Variants in ANO5 observed in about 807,000 individuals in gnomAD.
ANO5 encodes the protein anoctamin 5.
In ANO5, 109 loss-of-function variants were observed where a neutral mutation model predicts 121.0. The observed-to-expected ratio is 0.90, with a 90% CI of 0.77 to 1.06. ANO5 has a LOEUF of 1.06. Among genes scored for constraint, ANO5 ranks in the 50% least tolerant of loss-of-function variants. ANO5 has a pLI of 0.00. For synonymous variants in ANO5, 406 were observed against 359.9 expected (o/e 1.13, Z -1.45); for missense variants, 1,064 against 1,078.5 (o/e 0.99, Z 0.19).
At position 22,268,293 on chromosome 11, in the gene ANO5, C is replaced by T. The variant is rs185590478; in HGVS notation, c.1899-2019C>T. Among the ~76,000 whole-genome samples the T allele has an allele frequency of 2.9e-3, 443 of 150,832 alleles. 2 individuals carry two copies. Among genetic ancestry groups the T allele is most frequent in the Non-Finnish European group, 4.7e-3 (317 of 67,738 alleles). On this transcript the variant is annotated intron_variant, in intron 17 of 21. Coordinates refer to ENST00000324559, the MANE Select transcript of ANO5 (RefSeq NM_213599.3). ...AGTTGACTTTTTTTTTTAATAATAC[C>T]GAGCCTTCTTACTCGTCAACATTTA...
chr11:22,260,081 G>A (rs1057002479), intron 15 of ANO5, among the ~76,000 whole-genome samples: 1 of 152,036 alleles, frequency 6.6e-6, no homozygotes, highest in Admixed American at 6.6e-5. Context: ...TTTGTTTCAT[G>A]TGTATGGTTC....
chr11:22,233,448 C>T (rs1004115657), intron 7 of ANO5, among the ~76,000 whole-genome samples: 2 of 150,076 alleles, frequency 1.3e-5, no homozygotes, highest in African/African-American at 2.5e-5. Context: ...TTCCCAGGTT[C>T]CAGACATTTT....
intron 5 of ANO5, 126 bp from the exon 6 acceptor site, chr11:22,225,858 T>TA (rs2133605363): frequency 1.4e-6 from 1 of 695,600 alleles, no homozygotes; most frequent in East Asian, 2.7e-5. Context: ...GGAGCATTTT[T>TA]ATATACAACC....
intron 7 of ANO5, among the ~76,000 whole-genome samples, chr11:22,234,124 A>G (rs973030488): frequency 1.3e-5 from 2 of 152,132 alleles, no homozygotes; most frequent in Admixed American, 1.3e-4. Context: ...CATTGATTGG[A>G]AAATTTGCTC....
chr11:22,261,991 T>A, intron 15 of ANO5, 138 bp from the exon 16 acceptor site: 1 of 727,904 alleles, frequency 1.4e-6, no homozygotes, highest in East Asian at 2.6e-5. Context: ...TACTTAATAT[T>A]GGCCTACTAT....
chr11:22,238,283 T>TG (rs199754291), intron 8 of ANO5, among the ~76,000 whole-genome samples: 13,161 of 151,176 alleles, frequency 0.087, 1,554 homozygotes, highest in African/African-American at 0.26. Flanking sequence ...TCATAGTTTT[T>TG]TTTTTTTTTT....
chr11:22,238,466 C>G (rs773129033), intron 8 of ANO5, among the ~76,000 whole-genome samples: 6 of 152,064 alleles, frequency 3.9e-5, no homozygotes, highest in Non-Finnish European at 7.4e-5. Context: ...TGAGCTATCA[C>G]TGGAGATAGC....
chr11:22,204,502 A>G (rs1382809193), intron 2 of ANO5, among the ~76,000 whole-genome samples: 1 of 152,158 alleles, frequency 6.6e-6, no homozygotes, highest in Non-Finnish European at 1.5e-5. Context: ...GTCCTGCCAG[A>G]TATAAACAGG....
At chr11:22,234,194 G>A (rs1853139708) in intron 7 of ANO5, among the ~76,000 whole-genome samples, 1 of 152,076 alleles carries the variant, frequency 6.6e-6, no homozygotes, top group African/African-American at 2.4e-5. Flanking sequence ...CTGTGGTGTT[G>A]GCTATTATTT....
At position 22,193,148 on chromosome 11, in the gene ANO5, A is replaced by T; in HGVS notation, c.-345A>T. ...GCGGGATCAGCTGCCGAGCAGGCAC[A>T]GGGACAGGTGCCTGGAGAAGTACTG... is the stretch of plus-strand genomic sequence containing the variant. On this transcript the variant is annotated 5_prime_UTR_variant, in exon 1 of 22. Coordinates refer to ENST00000324559, the MANE Select transcript of ANO5 (RefSeq NM_213599.3). 1 of 1,148,770 alleles carries T rather than the reference A, an allele frequency of 8.7e-7. No individual in the cohort carries two copies. The highest frequency in any genetic ancestry group is 1.1e-6 in the Non-Finnish European group (1 of 925,446). The allele number at this position is 1,148,770 out of a possible 1,614,324, so 71.2% of individuals were successfully genotyped here.
chr11:22,264,464 TA>T (rs1004031712), intron 17 of ANO5, among the ~76,000 whole-genome samples: 9 of 141,278 alleles, frequency 6.4e-5, no homozygotes, highest in African/African-American at 2.4e-4. Context: ...GGTAAAAGAA[TA>T]AAAAAATTTT....
In ANO5 at chr11:22,272,809, A is replaced by AT; in HGVS notation, c.2058dup (p.Val687CysfsTer15). 1.2e-6 allele frequency: 2 copies of AT among 1,614,002 alleles called. No homozygotes were observed. Among genetic ancestry groups the AT allele is most frequent in the Non-Finnish European group, 1.7e-6 (2 of 1,179,942 alleles). ...TTACTCAATTTGGATTTGTTACACTATTTGTGGCCTCTTTTCCTTTGGCTC... is the reference window on the plus strand; with the variant it reads ...TTACTCAATTTGGATTTGTTACACTATTTTGTGGCCTCTTTTCCTTTGGCTC... On this transcript the variant is annotated frameshift_variant, in exon 19 of 22. Transcript: ENST00000324559. LOFTEE classifies it high-confidence loss of function.
At chr11:22,242,606 C>T (rs1853469469) in intron 9 of ANO5, among the ~76,000 whole-genome samples, 1 of 152,026 alleles carries the variant, frequency 6.6e-6, no homozygotes, top group Non-Finnish European at 1.5e-5. Context: ...AGAGATCTTT[C>T]ACCTCCTGGA....
In ANO5 at chr11:22,263,799, G is replaced by A. The variant is rs112531969; in HGVS notation, c.1898+756G>A. ...CCCATCCACTTTAACTGCACTTGAA[G>A]CCAGAGACTGGGTTTATTCTCACTC... On this transcript the variant is annotated intron_variant, in intron 17 of 21. Coordinates refer to ENST00000324559, the MANE Select transcript of ANO5 (RefSeq NM_213599.3). Among the ~76,000 whole-genome samples, 247 of 152,190 alleles carry A rather than the reference G, an allele frequency of 1.6e-3. 2 individuals carry two copies. The highest frequency in any genetic ancestry group is 5.6e-3 in the African/African-American group (234 of 41,554).
intron 9 of ANO5, among the ~76,000 whole-genome samples, chr11:22,248,476 G>C (rs1853695611): frequency 6.6e-6 from 1 of 151,966 alleles, no homozygotes; most frequent in African/African-American, 2.4e-5. Context: ...TTTCAATAAT[G>C]TATGCATTTT....
At chr11:22,203,391 T>A (rs982206022) in intron 1 of ANO5, among the ~76,000 whole-genome samples, 1 of 152,106 alleles carries the variant, frequency 6.6e-6, no homozygotes, top group African/African-American at 2.4e-5. Flanking sequence ...GTGTTCTATA[T>A]ACAAGCTGTC....
chr11:22,226,951 A>G (rs1476492965), intron 6 of ANO5, among the ~76,000 whole-genome samples: 1 of 152,112 alleles, frequency 6.6e-6, no homozygotes, highest in African/African-American at 2.4e-5. Flanking sequence ...GCTAGTTACT[A>G]AAAACTTAAG....
At chr11:22,251,161 C>T (rs1853802767) in intron 12 of ANO5, 150 bp downstream of exon 12, 1 of 809,120 alleles carries the variant, frequency 1.2e-6, no homozygotes, top group Non-Finnish European at 2.0e-6. Flanking sequence ...TGATGGAGTG[C>T]ATATTAGTGG....
chr11:22,205,015 C>T (rs1446605234), intron 2 of ANO5, among the ~76,000 whole-genome samples: 1 of 151,984 alleles, frequency 6.6e-6, no homozygotes, highest in Non-Finnish European at 1.5e-5. Flanking sequence ...ACTATGGAGC[C>T]ATAAAAATGA....
Sources: gnomAD v4.1 joint callset for allele counts (sites outside exome capture counted in the v4.1 genomes callset) on GRCh38, gnomAD v4.1.1 for gene constraint, MANE v1.5 for transcripts, NCBI Gene and HGNC (gene_info 2026-07-23, HGNC 2026-07-21) for gene names.